WDHD1: variants seen among roughly 807,000 people sequenced by gnomAD.
The protein encoded by WDHD1 is WD repeat and HMG-box DNA binding protein 1, also known as WD repeat and HMG-box DNA-binding protein 1.
In WDHD1, 111 loss-of-function variants were observed where a neutral mutation model predicts 135.4. The ratio of observed to expected loss-of-function variants is 0.82; its 90% confidence interval spans 0.70 to 0.96. The LOEUF is 0.96. Among genes scored for constraint, WDHD1 ranks in the 40% least tolerant of loss-of-function variants. The probability of loss-of-function intolerance (pLI) is 0.00; values close to 1 mark genes in which losing one functional copy is unlikely to be tolerated. For missense variants in WDHD1, 1,351 were observed against 1,336.3 expected (o/e 1.01, Z -0.17); for synonymous variants, 434 against 439.0 (o/e 0.99, Z 0.14).
In WDHD1 at chr14:54,957,030, G is replaced by C. The variant is rs376852613; in HGVS notation, c.2916+4C>G. The stretch of plus-strand genomic sequence containing the variant: ...ACTGCAGATGAGGGTAGCTGAAACA[G>C]TACCTGCTTAGGCTTCGGCTTTGGA... On this transcript the variant is annotated splice_donor_region_variant and intron_variant, in intron 23 of 25. Coordinates refer to ENST00000360586, the MANE Select transcript of WDHD1 (RefSeq NM_007086.4). 6.2e-7 allele frequency: 1 copy of C among 1,612,638 alleles called. No individual in the cohort carries two copies. Among genetic ancestry groups the C allele is most frequent in the Non-Finnish European group, 8.5e-7 (1 of 1,179,294 alleles).
chr14:54,952,030 A>G (rs951407514), intron 24 of WDHD1, among the ~76,000 whole-genome samples: 7 of 152,224 alleles, frequency 4.6e-5, no homozygotes, highest in African/African-American at 1.2e-4. Flanking sequence ...CCCACAGCCA[A>G]TATCATACTG....
chr14:54,991,303 T>C lies in WDHD1; in HGVS notation c.1251A>G (p.Gln417=). The C allele has an allele frequency of 6.2e-7, 1 of 1,614,018 alleles. No homozygotes were observed. The highest frequency in any genetic ancestry group is 8.5e-7 in the Non-Finnish European group (1 of 1,179,908). The change falls in exon 12 of 26, where the codon CAA becomes CAG. Residue 417 remains glutamine (Q), a synonymous_variant. Coordinates refer to ENST00000360586, the MANE Select transcript of WDHD1 (RefSeq NM_007086.4). ...SIHNLPLVTS[Q]RPFYDGPMPT... is the part of the protein sequence containing the mutation. ...GCATGGGTCCATCATAAAATGGCCTTTGGGATGTTACAAGTGGTAGATTGT... is the reference window on the plus strand; with the variant it reads ...GCATGGGTCCATCATAAAATGGCCTCTGGGATGTTACAAGTGGTAGATTGT...
chr14:54,992,807 G>A (rs771690054), intron 11 of WDHD1, among the ~76,000 whole-genome samples: 7 of 152,108 alleles, frequency 4.6e-5, no homozygotes, highest in African/African-American at 7.2e-5. Context: ...CTAGCTACCC[G>A]GAAGGCTGAG....
chr14:54,971,131 A>T (rs567653456), intron 16 of WDHD1, among the ~76,000 whole-genome samples: 20 of 152,350 alleles, frequency 1.3e-4, no homozygotes, highest in African/African-American at 4.8e-4. Context: ...GAATATAAAA[A>T]TCCCAGAAGA....
intron 7 of WDHD1, among the ~76,000 whole-genome samples, chr14:55,004,486 T>A (rs575352880): frequency 6.6e-6 from 1 of 152,298 alleles, no homozygotes; most frequent in Non-Finnish European, 1.5e-5. Context: ...AGAGTCTCGC[T>A]CTATCACCTG....
chr14:54,951,823 A>C (rs1460553224), intron 24 of WDHD1, among the ~76,000 whole-genome samples: 1 of 152,228 alleles, frequency 6.6e-6, no homozygotes, highest in African/African-American at 2.4e-5. Flanking sequence ...CTGGGATGCA[A>C]GGCTAGTTCA....
At chr14:54,959,193 C>T (rs549234115) in intron 21 of WDHD1, among the ~76,000 whole-genome samples, 1 of 151,790 alleles carries the variant, frequency 6.6e-6, no homozygotes, top group Non-Finnish European at 1.5e-5. Context: ...CATAGGGAGA[C>T]CCTGTCTCTA....
In WDHD1 at chr14:55,026,897, C is replaced by G. The variant is rs1274645016; in HGVS notation, c.-16-94G>C. 4 of 1,214,888 alleles carry G rather than the reference C, an allele frequency of 3.3e-6. No homozygotes were observed. In the African/African-American group the frequency reaches 4.5e-5, roughly 14 times the overall value. 75.3% of individuals were successfully genotyped at this position (1,214,888 alleles called of 1,614,324 possible). On this transcript the variant is annotated intron_variant, in intron 1 of 25. Transcript: ENST00000360586. ...AGAGAGCTTAGTCTCCTCTAGGGCC[C>G]GTTCTCCGCAGCCCGGTTTCCCCCA...
intron 24 of WDHD1, among the ~76,000 whole-genome samples, chr14:54,952,521 C>T (rs572993990): frequency 2.4e-4 from 37 of 152,322 alleles, no homozygotes; most frequent in African/African-American, 8.4e-4. Flanking sequence ...GAACATTCCA[C>T]GCTCATGGAT....
At chr14:54,979,147 C>T (rs2041576798) in intron 16 of WDHD1, among the ~76,000 whole-genome samples, 1 of 151,996 alleles carries the variant, frequency 6.6e-6, no homozygotes, top group Admixed American at 6.6e-5. Context: ...ATCTTTGCTC[C>T]TCTTCACACC....
intron 24 of WDHD1, among the ~76,000 whole-genome samples, chr14:54,949,127 C>T (rs921331476): frequency 1.8e-4 from 28 of 152,178 alleles, no homozygotes; most frequent in African/African-American, 6.8e-4. Flanking sequence ...AGCTCCTCAC[C>T]AGCAACGGAA....
Position 54,938,994 on chromosome 14 carries a change from GA to G in WDHD1, c.*2495del, listed in dbSNP as rs1318622207. ...ATTCTTAGGGTACATGCTGGGAACT[GA>G]GGGATGAAGTATATGCATATTCCAA... On this transcript the variant is annotated 3_prime_UTR_variant, in exon 26 of 26. Coordinates refer to ENST00000360586, the MANE Select transcript of WDHD1 (RefSeq NM_007086.4). 6.6e-6 allele frequency: 1 copy of G among 152,110 alleles called. No homozygotes were observed. The highest frequency in any genetic ancestry group is 1.5e-5 in the Non-Finnish European group (1 of 68,028). The allele number at this position is 152,110 out of a possible 1,614,324, so 9.4% of individuals were successfully genotyped here.
intron 12 of WDHD1, among the ~76,000 whole-genome samples, chr14:54,989,454 T>C (rs1006448064): frequency 1.3e-5 from 2 of 152,122 alleles, no homozygotes; most frequent in South Asian, 2.1e-4. Context: ...AATTAGCAAA[T>C]AGAGTATTTA....
intron 2 of WDHD1, among the ~76,000 whole-genome samples, chr14:55,025,168 G>C (rs1379044945): frequency 7.1e-6 from 1 of 140,170 alleles, no homozygotes; most frequent in Admixed American, 7.5e-5. Flanking sequence ...AAAGCATTGA[G>C]ATGTTTATGT....
intron 16 of WDHD1, among the ~76,000 whole-genome samples, chr14:54,977,814 T>C (rs558118815): frequency 5.3e-5 from 8 of 152,116 alleles, no homozygotes; most frequent in African/African-American, 1.9e-4. Context: ...AACAGTTAAA[T>C]GTTACCAGCT....
intron 13 of WDHD1, among the ~76,000 whole-genome samples, chr14:54,988,220 G>T: frequency 7.3e-6 from 1 of 136,458 alleles, no homozygotes; most frequent in Non-Finnish European, 1.6e-5. Context: ...ACATTTTTTG[G>T]TTTGTTTTTC....
chr14:54,954,930 T>C (rs1380983799), intron 24 of WDHD1, among the ~76,000 whole-genome samples: 3 of 152,182 alleles, frequency 2.0e-5, no homozygotes, highest in Non-Finnish European at 4.4e-5. Context: ...GGTTTCTCCA[T>C]GTTGGTCAGG....
At chr14:55,024,009 TCATGA>T (rs1488036903) in intron 2 of WDHD1, among the ~76,000 whole-genome samples, 2 of 152,248 alleles carry the variant, frequency 1.3e-5, no homozygotes, top group African/African-American at 4.8e-5. Context: ...TTTTATGCAC[TCATGA>T]CATACTTTTT....
At chr14:55,013,301 A>G (rs2042204237) in intron 3 of WDHD1, among the ~76,000 whole-genome samples, 184 bp downstream of exon 3, 1 of 151,778 alleles carries the variant, frequency 6.6e-6, no homozygotes, top group African/African-American at 2.4e-5. Flanking sequence ...ATATTCAAAA[A>G]TATTTTTCAC....
Sources: allele counts gnomAD v4.1 joint callset (sites outside exome capture counted in the v4.1 genomes callset), GRCh38; gene constraint gnomAD v4.1.1; transcripts MANE v1.5; gene names NCBI Gene and HGNC (gene_info 2026-07-23, HGNC 2026-07-21).